Variants in RPS6KA6 observed in about 807,000 individuals in gnomAD.
RPS6KA6 encodes ribosomal protein S6 kinase A6.
In RPS6KA6, 27 loss-of-function variants were observed where a neutral mutation model predicts 65.4. The observed-to-expected ratio is 0.41, with a 90% CI of 0.30 to 0.57. RPS6KA6 has a LOEUF of 0.57. Ranked by LOEUF, RPS6KA6 falls within the 20% of genes least tolerant of loss-of-function variation. The probability of loss-of-function intolerance (pLI) is 0.24; values close to 1 mark genes in which losing one functional copy is unlikely to be tolerated. For missense variants in RPS6KA6, 486 were observed against 555.6 expected (o/e 0.87, Z 1.26); for synonymous variants, 190 against 184.2 (o/e 1.03, Z -0.26).
intron 8 of RPS6KA6, among the ~76,000 whole-genome samples, chrX:84,122,804 T>C (rs1364931041): frequency 9.0e-6 from 1 of 111,271 alleles, no homozygotes; most frequent in East Asian, 2.9e-4. Context: ...CAACTACTAG[T>C]GTTGAACTGG....
At chrX:84,103,413 T>C (rs1382007387) in intron 17 of RPS6KA6, among the ~76,000 whole-genome samples, 1 of 111,147 alleles carries the variant, frequency 9.0e-6, no homozygotes. Flanking sequence ...TTCCCCCATG[T>C]GATAAGTTCC....
At chrX:84,083,939 T>C (rs1411207401) in intron 20 of RPS6KA6, among the ~76,000 whole-genome samples, 3 of 112,505 alleles carry the variant, frequency 2.7e-5, no homozygotes, top group Admixed American at 9.4e-5. Context: ...TGGTATCTCA[T>C]TGTGGTTTTG....
rs745521030 is a variant in RPS6KA6, at chrX:84,117,435, G to A, written c.809C>T (p.Thr270Ile). The change falls in exon 10 of 22, where the codon ACT becomes ATT. Residue 270 changes from threonine (T) to isoleucine (I), a missense_variant. Coordinates refer to ENST00000262752, the MANE Select transcript of RPS6KA6 (RefSeq NM_014496.5). ...GVLMFEMLTG[T>I]LPFQGKDRNE... is the part of the protein sequence containing the mutation. ...TCTGTCTTTACCTTGAAATGGCAGA[G>A]TACCAGTAAGCATTTCAAACTAAAA... The A allele has an allele frequency of 4.3e-6, 5 of 1,160,390 alleles. No homozygotes were observed. The South Asian group carries it at 9.9e-5, about 23-fold the overall frequency.
intron 6 of RPS6KA6, among the ~76,000 whole-genome samples, chrX:84,138,975 A>G (rs2035049090): frequency 1.8e-5 from 2 of 112,128 alleles, no homozygotes; most frequent in African/African-American, 6.5e-5. Context: ...ACATGTCCTC[A>G]TTTTGGATTA....
At chrX:84,155,231 T>C (rs774414558) in intron 3 of RPS6KA6, among the ~76,000 whole-genome samples, 2 of 111,256 alleles carry the variant, frequency 1.8e-5, no homozygotes, top group Non-Finnish European at 3.8e-5. Flanking sequence ...AATGTCTTTA[T>C]TTTAAAATGT....
intron 1 of RPS6KA6, among the ~76,000 whole-genome samples, chrX:84,172,825 C>G (rs2035707981): frequency 9.0e-6 from 1 of 111,371 alleles, no homozygotes; most frequent in Non-Finnish European, 1.9e-5. Context: ...GCAACATGAA[C>G]CATGATGATA....
intron 20 of RPS6KA6, among the ~76,000 whole-genome samples, chrX:84,070,565 CA>C (rs965412973): frequency 8.4e-5 from 9 of 107,366 alleles, no homozygotes; most frequent in African/African-American, 2.4e-4. Context: ...TAAAATTAAC[CA>C]AAAAAAAACT....
At chrX:84,142,676 T>C (rs1050309541) in intron 6 of RPS6KA6, among the ~76,000 whole-genome samples, 1 of 111,028 alleles carries the variant, frequency 9.0e-6, no homozygotes, top group African/African-American at 3.3e-5. Flanking sequence ...CACTAACAAT[T>C]CCACAACTAC....
chrX:84,101,781 A>T (rs765693683), intron 18 of RPS6KA6, among the ~76,000 whole-genome samples: 1 of 110,715 alleles, frequency 9.0e-6, no homozygotes, highest in Non-Finnish European at 1.9e-5. Context: ...CTCTAAAATG[A>T]TATGATTCTG....
At chrX:84,119,134 CTTGAGAGTTTA>C (rs2034622257) in intron 9 of RPS6KA6, among the ~76,000 whole-genome samples, 1 of 111,889 alleles carries the variant, frequency 8.9e-6, no homozygotes, top group Non-Finnish European at 1.9e-5. Flanking sequence ...TAAGGTACTT[CTTGAGAGTTTA>C]TTTAGCTACT....
chrX:84,179,013 C>T (rs893753254), intron 1 of RPS6KA6, among the ~76,000 whole-genome samples: 2 of 110,982 alleles, frequency 1.8e-5, no homozygotes, highest in African/African-American at 6.5e-5. Context: ...ATTTGGAAAT[C>T]GGTATCTAAT....
At chrX:84,103,215 C>T (rs1420772608) in intron 17 of RPS6KA6, among the ~76,000 whole-genome samples, 1 of 110,683 alleles carries the variant, frequency 9.0e-6, no homozygotes, top group South Asian at 3.8e-4. Flanking sequence ...ATTCTGATTC[C>T]AAGATGAACC....
At chrX:84,091,734 A>C (rs1483228227) in intron 20 of RPS6KA6, among the ~76,000 whole-genome samples, 1 of 112,094 alleles carries the variant, frequency 8.9e-6, no homozygotes, top group Non-Finnish European at 1.9e-5. Context: ...ATGAAGATAC[A>C]TGCACGTGTA....
At chrX:84,075,911 A>G (rs928021536) in intron 20 of RPS6KA6, among the ~76,000 whole-genome samples, 8 of 112,320 alleles carry the variant, frequency 7.1e-5, no homozygotes, top group Admixed American at 6.6e-4. Flanking sequence ...GTCAAAATAC[A>G]TGAAGCAAAA....
chrX:84,080,570 C>T (rs1164487994), intron 20 of RPS6KA6, among the ~76,000 whole-genome samples: 5 of 97,632 alleles, frequency 5.1e-5, no homozygotes, highest in Admixed American at 4.7e-4. Context: ...TAGATCAACA[C>T]GACAGAAAAT....
Position 84,117,364 on chromosome X carries a change from A to C in RPS6KA6, c.860+20T>G. On this transcript the variant is annotated intron_variant, in intron 10 of 21. Coordinates refer to ENST00000262752, the MANE Select transcript of RPS6KA6 (RefSeq NM_014496.5). Reference sequence around the variant, plus strand: ...CAAGAGATTTTTTTCCCAAAAGAAAAACATACTGTTTACACTTACTTTAAT... The same window carrying C: ...CAAGAGATTTTTTTCCCAAAAGAAACACATACTGTTTACACTTACTTTAAT... 1 of 1,034,582 alleles carries C rather than the reference A, an allele frequency of 9.7e-7. No individual in the cohort carries two copies. The highest frequency in any genetic ancestry group is 1.9e-5 in the African/African-American group (1 of 52,441). 85.3% of individuals were successfully genotyped at this position (1,034,582 alleles called of 1,213,427 possible).
chrX:84,129,262 C>G (rs1438496763), intron 8 of RPS6KA6, among the ~76,000 whole-genome samples: 3 of 111,348 alleles, frequency 2.7e-5, no homozygotes, highest in Non-Finnish European at 5.7e-5. Context: ...CATCATTGAT[C>G]ACCAGAGAAA....
intron 1 of RPS6KA6, among the ~76,000 whole-genome samples, chrX:84,184,671 A>G (rs961174819): frequency 1.8e-5 from 2 of 109,333 alleles, no homozygotes; most frequent in African/African-American, 6.7e-5. Context: ...TGGTTTTATC[A>G]GTAAACTACA....
chrX:84,065,251 T>C (rs2033375335), intron 20 of RPS6KA6, 140 bp from the exon 21 acceptor site: 5 of 377,566 alleles, frequency 1.3e-5, no homozygotes, highest in Non-Finnish European at 1.8e-5. Flanking sequence ...ATCTATACTC[T>C]ACACAGTTAA....
Sources: allele counts gnomAD v4.1 joint callset (sites outside exome capture counted in the v4.1 genomes callset), GRCh38; gene constraint gnomAD v4.1.1; transcripts MANE v1.5; gene names NCBI Gene and HGNC (gene_info 2026-07-23, HGNC 2026-07-21).